TYW1B: variants seen among roughly 807,000 people sequenced by gnomAD.
TYW1B encodes S-adenosyl-L-methionine-dependent tRNA 4-demethylwyosine synthase TYW1B.
Under a neutral mutation model 86.9 loss-of-function variants are expected in TYW1B, and 73 were observed. The ratio of observed to expected loss-of-function variants is 0.84; its 90% CI spans 0.70 to 1.02. TYW1B has a LOEUF of 1.02. TYW1B is among the 50% of genes least tolerant of loss of function. The probability of loss-of-function intolerance (pLI) is 0.00; values close to 1 mark genes in which losing one functional copy is unlikely to be tolerated. For missense variants in TYW1B, 637 were observed against 827.4 expected, an observed-to-expected ratio of 0.77 and a Z score of 2.82; for synonymous variants, 248 against 292.8, an observed-to-expected ratio of 0.85 and a Z score of 1.56.
intron 10 of TYW1B, among the ~76,000 whole-genome samples, chr7:72,702,834 G>C (rs1485376606): frequency 6.6e-6 from 1 of 151,678 alleles, no homozygotes; most frequent in Non-Finnish European, 1.5e-5. Flanking sequence ...ATTTCCACAG[G>C]TAAAAAAAAG....
chr7:72,780,069 G>C (rs189857146), intron 6 of TYW1B, among the ~76,000 whole-genome samples: 1 of 152,014 alleles, frequency 6.6e-6, no homozygotes. Flanking sequence ...CTTAATGCTA[G>C]GCCTTTTATA....
intron 7 of TYW1B, among the ~76,000 whole-genome samples, chr7:72,772,319 T>G (rs1277594329): frequency 6.6e-6 from 1 of 152,186 alleles, no homozygotes; most frequent in African/African-American, 2.4e-5. Flanking sequence ...AGAATTTACA[T>G]TCTTTTCATG....
intron 6 of TYW1B, 126 bp downstream of exon 6, chr7:72,802,274 T>G: frequency 6.7e-7 from 1 of 1,488,152 alleles, no homozygotes; most frequent in East Asian, 2.3e-5. Context: ...ATTATAAAAC[T>G]CTCAAGACAG....
chr7:72,804,548 A>T (rs6945451), intron 5 of TYW1B, among the ~76,000 whole-genome samples: 104,418 of 152,104 alleles, frequency 0.69, 36,765 homozygotes, highest in Non-Finnish European at 0.77. Context: ...TTAAAAAATT[A>T]AAAAACAAGC....
chr7:72,676,659 T>C (rs2129569831), intron 11 of TYW1B, among the ~76,000 whole-genome samples: 1 of 152,112 alleles, frequency 6.6e-6, no homozygotes, highest in East Asian at 1.9e-4. Flanking sequence ...CCATAAAGGC[T>C]TTAAAAAAAA....
At chr7:72,797,071 T>G (rs1788317822) in intron 6 of TYW1B, among the ~76,000 whole-genome samples, 1 of 152,156 alleles carries the variant, frequency 6.6e-6, no homozygotes, top group Non-Finnish European at 1.5e-5. Flanking sequence ...CCTCCCAAAG[T>G]GCTGGGATTA....
At chr7:72,693,790 T>G (rs1177742711) in intron 11 of TYW1B, among the ~76,000 whole-genome samples, 2 of 151,952 alleles carry the variant, frequency 1.3e-5, no homozygotes, top group African/African-American at 2.4e-5. Context: ...TGAAAAATAT[T>G]TGGAAAAAAT....
chr7:72,771,387 A>G lies in TYW1B; in HGVS notation c.964+6029T>C, dbSNP rs1342433370. ...ATAAATTCATTGGGGTGGGGATAAT[A>G]ACTTATATCTTAATTGGAGTTGGTG... On this transcript the variant is annotated intron_variant, in intron 7 of 13. Coordinates refer to ENST00000620995, the MANE Select transcript of TYW1B (RefSeq NM_001145440.3). Among the ~76,000 whole-genome samples the G allele has an allele frequency of 3.3e-5, 5 of 152,216 alleles. No individual in the cohort carries two copies. In the East Asian group the frequency reaches 9.6e-4, roughly 29 times the overall value.
At chr7:72,689,295 G>GA (rs1814083210) in intron 11 of TYW1B, among the ~76,000 whole-genome samples, 1 of 152,140 alleles carries the variant, frequency 6.6e-6, no homozygotes, top group African/African-American at 2.4e-5. Flanking sequence ...AGAAACTCTA[G>GA]GATAAAGGCC....
intron 9 of TYW1B, among the ~76,000 whole-genome samples, chr7:72,714,886 C>T (rs1786748992): frequency 6.6e-6 from 1 of 152,144 alleles, no homozygotes; most frequent in Admixed American, 6.5e-5. Context: ...CACCGCACTC[C>T]AGCCTGGGCA....
At chr7:72,807,400 T>A in intron 4 of TYW1B, 44 bp from the exon 5 acceptor site, 1 of 1,582,310 alleles carries the variant, frequency 6.3e-7, no homozygotes, top group African/African-American at 1.3e-5. Context: ...GTTCTCTAAA[T>A]CAGGGTTTTC....
intron 6 of TYW1B, among the ~76,000 whole-genome samples, chr7:72,779,878 C>G (rs202102439): frequency 1.4e-5 from 2 of 140,596 alleles, no homozygotes; most frequent in Non-Finnish European, 1.5e-5. Flanking sequence ...AAAAAAAAAG[C>G]CGCATTAAGT....
intron 6 of TYW1B, among the ~76,000 whole-genome samples, chr7:72,800,491 G>A (rs1348057675): frequency 2.6e-5 from 4 of 152,096 alleles, no homozygotes; most frequent in Middle Eastern, 3.4e-3. Context: ...GTGAGCCACC[G>A]CACTCAGCCA....
chr7:72,825,163 C>T (rs1429965034), intron 2 of TYW1B, among the ~76,000 whole-genome samples: 2 of 151,418 alleles, frequency 1.3e-5, no homozygotes, highest in African/African-American at 4.9e-5. Context: ...CTCACTAAAT[C>T]CTCACAGTGA....
At chr7:72,678,685 G>A (rs1447287431) in intron 11 of TYW1B, among the ~76,000 whole-genome samples, 1 of 137,728 alleles carries the variant, frequency 7.3e-6, no homozygotes, top group African/African-American at 2.7e-5. Flanking sequence ...GGGACAACAG[G>A]CGCGCATCAT....
intron 2 of TYW1B, among the ~76,000 whole-genome samples, chr7:72,818,394 C>T (rs1788764834): frequency 6.6e-6 from 1 of 151,552 alleles, no homozygotes; most frequent in Non-Finnish European, 1.5e-5. Context: ...CCAGCCTGGG[C>T]ATGGTGAAAC....
chr7:72,666,797 C>T (rs782658447), intron 11 of TYW1B, among the ~76,000 whole-genome samples: 1 of 151,828 alleles, frequency 6.6e-6, no homozygotes, highest in African/African-American at 2.4e-5. Context: ...TTTGGGAGAC[C>T]GAGGCGGGTG....
At chr7:72,717,099 A>G (rs1369497672) in intron 9 of TYW1B, among the ~76,000 whole-genome samples, 26 of 152,048 alleles carry the variant, frequency 1.7e-4, no homozygotes, top group South Asian at 4.2e-4. Flanking sequence ...TCAGGAGTTC[A>G]AGACCAGCTC....
chr7:72,607,123 G>A (rs1205446450), intron 13 of TYW1B, among the ~76,000 whole-genome samples: 1 of 152,118 alleles, frequency 6.6e-6, no homozygotes, highest in Non-Finnish European at 1.5e-5. Context: ...AAGTTGGCTG[G>A]GTGTGGTGGC....
Sources: gnomAD v4.1 joint callset for allele counts (sites outside exome capture counted in the v4.1 genomes callset) on GRCh38, gnomAD v4.1.1 for gene constraint, MANE v1.5 for transcripts, NCBI Gene and HGNC (gene_info 2026-07-23, HGNC 2026-07-21) for gene names.